Variants in CNTNAP4 observed in about 807,000 individuals in gnomAD.
The protein encoded by CNTNAP4 is contactin associated protein family member 4.
CNTNAP4 carries 98 observed loss-of-function variants against 148.4 expected under a neutral mutation model. The ratio of observed to expected loss-of-function variants is 0.66; its 90% CI spans 0.56 to 0.78. CNTNAP4 has a LOEUF of 0.78. Among genes scored for constraint, CNTNAP4 ranks in the 30% least tolerant of loss-of-function variants. The pLI is 0.00. For missense variants in CNTNAP4, 1,935 were observed against 1,565.6 expected (o/e 1.24, Z -3.98); for synonymous variants, 730 against 565.1 (o/e 1.29, Z -4.14).
At chr16:76,357,819 G>T (rs974135489) in intron 3 of CNTNAP4, among the ~76,000 whole-genome samples, 11 of 152,178 alleles carry the variant, frequency 7.2e-5, no homozygotes, top group Admixed American at 4.6e-4. Context: ...CAGTTAGAAT[G>T]GCACATTTTT....
intron 3 of CNTNAP4, among the ~76,000 whole-genome samples, chr16:76,397,842 GC>G (rs2078254779): frequency 7.2e-6 from 1 of 138,570 alleles, no homozygotes. Flanking sequence ...GAGATTTCAT[GC>G]TAAAGGAAAC....
At chr16:76,555,669 A>C (rs1305119714) in intron 23 of CNTNAP4, among the ~76,000 whole-genome samples, 5 of 152,246 alleles carry the variant, frequency 3.3e-5, no homozygotes, top group Admixed American at 1.3e-4. Flanking sequence ...CTCAAACATC[A>C]TTGGCAAGAT....
chr16:76,414,494 C>A (rs1035058366), intron 3 of CNTNAP4, among the ~76,000 whole-genome samples: 2 of 151,138 alleles, frequency 1.3e-5, no homozygotes, highest in African/African-American at 4.8e-5. Flanking sequence ...TTCCTTCTTG[C>A]AAGTTCCTTG....
At chr16:76,359,662 A>T (rs1000462050) in intron 3 of CNTNAP4, among the ~76,000 whole-genome samples, 4 of 152,180 alleles carry the variant, frequency 2.6e-5, no homozygotes, top group Non-Finnish European at 5.9e-5. Flanking sequence ...TTATAGTGCA[A>T]TGTTCATAAA....
chr16:76,522,686 CCTT>C lies in CNTNAP4; in HGVS notation c.2755+430_2755+432del, dbSNP rs2083520591. Among the ~76,000 whole-genome samples the C allele has an allele frequency of 1.0e-3, 80 of 79,632 alleles. 4 individuals carry two copies. Among genetic ancestry groups the C allele is most frequent in the African/African-American group, 2.6e-3 (58 of 22,272 alleles). 52.2% of individuals were successfully genotyped at this position (79,632 alleles called of 152,430 possible). A position where few individuals can be genotyped will look rare whatever the true frequency, so the allele number is the denominator to read the frequency against. On this transcript the variant is annotated intron_variant, in intron 17 of 23. Coordinates refer to ENST00000611870, the MANE Select transcript of CNTNAP4 (RefSeq NM_033401.5). The stretch of plus-strand genomic sequence containing the variant: ...TCTTTCCTTCTTTCTCTCTTTCTCT[CCTT>C]TCTTTTCTTTTCTTTTCTTTTCTTT...
intron 12 of CNTNAP4, among the ~76,000 whole-genome samples, chr16:76,489,158 A>C (rs2082124720): frequency 1.3e-5 from 2 of 152,322 alleles, no homozygotes; most frequent in African/African-American, 4.8e-5. Flanking sequence ...TACCATGAAT[A>C]GTTGTTAAGA....
intron 3 of CNTNAP4, among the ~76,000 whole-genome samples, chr16:76,358,809 A>G (rs911461921): frequency 5.3e-5 from 8 of 152,072 alleles, no homozygotes. Flanking sequence ...TAGTGTAGAT[A>G]AAACAACCCC....
At chr16:76,489,994 A>G (rs2082156154) in intron 13 of CNTNAP4, 111 bp downstream of exon 13, 3 of 554,994 alleles carry the variant, frequency 5.4e-6, no homozygotes, top group African/African-American at 3.8e-5. Flanking sequence ...CACTGAGGGT[A>G]TATGATCTCA....
intron 23 of CNTNAP4, among the ~76,000 whole-genome samples, chr16:76,556,424 C>T (rs147104032): frequency 7.3e-4 from 111 of 152,300 alleles, no homozygotes; most frequent in African/African-American, 2.6e-3. Flanking sequence ...CAAATCCTGA[C>T]ATAGCACTTT....
intron 15 of CNTNAP4, among the ~76,000 whole-genome samples, chr16:76,501,793 G>A (rs1200284205): frequency 2.0e-5 from 3 of 152,264 alleles, no homozygotes; most frequent in African/African-American, 4.8e-5. Flanking sequence ...ATTTACGGCC[G>A]GGCGCGGTGG....
chr16:76,395,783 C>T (rs1434671375), intron 3 of CNTNAP4, among the ~76,000 whole-genome samples: 5 of 151,026 alleles, frequency 3.3e-5, no homozygotes, highest in East Asian at 2.0e-4. Flanking sequence ...GGCTGGAGTG[C>T]GGTGGAGTGA....
At chr16:76,279,927 T>C (rs1331629091) in intron 1 of CNTNAP4, among the ~76,000 whole-genome samples, 1 of 152,206 alleles carries the variant, frequency 6.6e-6, no homozygotes. Context: ...ATATGTTTCA[T>C]CCTTTTTGGA....
intron 17 of CNTNAP4, among the ~76,000 whole-genome samples, chr16:76,531,316 C>T (rs980453135): frequency 3.9e-5 from 6 of 152,100 alleles, no homozygotes; most frequent in African/African-American, 1.2e-4. Context: ...ATGACAATAA[C>T]GTCTGTCGCT....
intron 3 of CNTNAP4, among the ~76,000 whole-genome samples, chr16:76,366,412 C>T (rs532174904): frequency 6.6e-6 from 1 of 152,140 alleles, no homozygotes; most frequent in Non-Finnish European, 1.5e-5. Context: ...CATTAGTTTG[C>T]TAATGATAAT....
At chr16:76,456,206 C>A (rs903016100) in intron 8 of CNTNAP4, among the ~76,000 whole-genome samples, 4 of 152,170 alleles carry the variant, frequency 2.6e-5, no homozygotes, top group African/African-American at 9.7e-5. Flanking sequence ...ACAGAGAACA[C>A]ACCCTGGAAA....
intron 11 of CNTNAP4, among the ~76,000 whole-genome samples, chr16:76,476,317 T>A (rs1223705455): frequency 6.6e-6 from 1 of 152,230 alleles, no homozygotes; most frequent in African/African-American, 2.4e-5. Context: ...TCTTGTTCTG[T>A]TACTCAAATT....
chr16:76,438,729 C>T (rs367559503), intron 4 of CNTNAP4, among the ~76,000 whole-genome samples: 14 of 152,082 alleles, frequency 9.2e-5, no homozygotes, highest in East Asian at 5.8e-4. Flanking sequence ...CATACCCACA[C>T]TCTCCCTTTT....
intron 3 of CNTNAP4, among the ~76,000 whole-genome samples, chr16:76,424,751 T>G (rs12918857): frequency 1.4e-5 from 2 of 142,192 alleles, no homozygotes; most frequent in African/African-American, 5.2e-5. Context: ...AGAGTGAGAC[T>G]CGGTCTAAAA....
intron 2 of CNTNAP4, among the ~76,000 whole-genome samples, chr16:76,334,176 T>TATAATG (rs1963810549): frequency 6.7e-6 from 1 of 149,390 alleles, no homozygotes; most frequent in Non-Finnish European, 1.5e-5. Flanking sequence ...AAACTTAAAG[T>TATAATG]ATAATAATAA....
Sources: allele counts gnomAD v4.1 joint callset (sites outside exome capture counted in the v4.1 genomes callset), GRCh38; gene constraint gnomAD v4.1.1; transcripts MANE v1.5; gene names NCBI Gene and HGNC (gene_info 2026-07-23, HGNC 2026-07-21).